Variants in KCNMA1 observed in about 807,000 individuals in gnomAD.
The protein encoded by KCNMA1 is potassium calcium-activated channel subfamily M alpha 1.
Under a neutral mutation model 140.0 loss-of-function variants are expected in KCNMA1, and 29 were observed. The ratio of observed to expected loss-of-function variants is 0.21; its 90% CI spans 0.15 to 0.28. The LOEUF (loss-of-function observed/expected upper bound fraction) is 0.28, where lower values mean the gene tolerates loss of function less well. Ranked by LOEUF, KCNMA1 falls within the 10% of genes least tolerant of loss-of-function variation. KCNMA1 has a pLI of 1.00. For missense variants in KCNMA1, 880 were observed against 1,602.2 expected (o/e 0.55, Z 7.70); for synonymous variants, 612 against 611.9 (o/e 1.00, Z 0.00).
chr10:77,384,999 T>C (rs1452104144), intron 2 of KCNMA1, among the ~76,000 whole-genome samples: 1 of 152,156 alleles, frequency 6.6e-6, no homozygotes, highest in Non-Finnish European at 1.5e-5. Flanking sequence ...TATTAAAGAT[T>C]CTCTGAGCCT....
chr10:77,627,612 G>A (rs1287311098), intron 1 of KCNMA1, among the ~76,000 whole-genome samples: 4 of 152,184 alleles, frequency 2.6e-5, no homozygotes, highest in Admixed American at 2.0e-4. Context: ...GTCATTCTAC[G>A]TCTCAACACT....
At chr10:77,123,358 T>C (rs1350623017) in intron 5 of KCNMA1, among the ~76,000 whole-genome samples, 1 of 152,190 alleles carries the variant, frequency 6.6e-6, no homozygotes, top group Non-Finnish European at 1.5e-5. Flanking sequence ...AAATACATTG[T>C]TTGCTCAGTG....
intron 1 of KCNMA1, among the ~76,000 whole-genome samples, chr10:77,438,422 G>T (rs975785298): frequency 1.3e-5 from 2 of 151,972 alleles, no homozygotes; most frequent in Non-Finnish European, 2.9e-5. Flanking sequence ...AATTAGCCGG[G>T]CGTGGTGGTG....
intron 27 of KCNMA1, 66 bp from the exon 28 acceptor site, chr10:76,887,581 A>G (rs2037691151): frequency 1.3e-6 from 2 of 1,584,752 alleles, no homozygotes; most frequent in Non-Finnish European, 8.7e-7. Context: ...ACTCTCTCTG[A>G]ACCAAAAGCA....
Position 77,053,539 on chromosome 10 carries a change from A to T in KCNMA1, c.1750-13902T>A, listed in dbSNP as rs77215286. Among the ~76,000 whole-genome samples, 1,043 of 152,266 alleles carry T rather than the reference A, an allele frequency of 6.8e-3. 8 individuals carry two copies. The highest frequency in any genetic ancestry group is 0.024 in the African/African-American group (996 of 41,556). On this transcript the variant is annotated intron_variant, in intron 14 of 27. Transcript: ENST00000286628. ...GCCCTAAAAAATGTATTCAGTCAGA[A>T]AATTCTGCTGACTCCGTATCTCACC...
At chr10:77,534,875 T>A (rs904382813) in intron 1 of KCNMA1, among the ~76,000 whole-genome samples, 1 of 152,154 alleles carries the variant, frequency 6.6e-6, no homozygotes, top group Non-Finnish European at 1.5e-5. Flanking sequence ...CATTTACAGC[T>A]ATAACCTACA....
chr10:77,123,162 A>G (rs2097658157), intron 5 of KCNMA1, among the ~76,000 whole-genome samples: 1 of 126,768 alleles, frequency 7.9e-6, no homozygotes, highest in African/African-American at 3.0e-5. Flanking sequence ...CCTGGGCGAC[A>G]GAGCGAGACT....
chr10:76,981,229 A>AC (rs1396564161), intron 19 of KCNMA1, among the ~76,000 whole-genome samples: 1 of 151,272 alleles, frequency 6.6e-6, no homozygotes, highest in Admixed American at 6.6e-5. Flanking sequence ...GAGCATTCCC[A>AC]CCCCCACCTG....
chr10:77,461,414 T>C (rs918653042), intron 1 of KCNMA1, among the ~76,000 whole-genome samples: 4 of 152,134 alleles, frequency 2.6e-5, no homozygotes, highest in Non-Finnish European at 5.9e-5. Flanking sequence ...TGTCTTCATT[T>C]TACAGGGAGG....
intron 6 of KCNMA1, among the ~76,000 whole-genome samples, chr10:77,119,444 AAAGT>A (rs1002991591): frequency 3.7e-4 from 56 of 152,268 alleles, no homozygotes; most frequent in African/African-American, 1.3e-3. Flanking sequence ...CCCTACCAAA[AAAGT>A]AAGTGTCTCT....
intron 2 of KCNMA1, among the ~76,000 whole-genome samples, chr10:77,403,319 G>T (rs1321753370): frequency 1.3e-5 from 2 of 152,152 alleles, no homozygotes; most frequent in Non-Finnish European, 2.9e-5. Flanking sequence ...GGCAGCCTCA[G>T]GTGGGCTACT....
chr10:77,388,882 C>T (rs575256414), intron 2 of KCNMA1, among the ~76,000 whole-genome samples: 5 of 152,276 alleles, frequency 3.3e-5, no homozygotes, highest in Admixed American at 6.5e-5. Context: ...AACTGAGCCC[C>T]CAACACACAA....
intron 2 of KCNMA1, among the ~76,000 whole-genome samples, chr10:77,347,737 A>G (rs2092377175): frequency 6.6e-6 from 1 of 152,218 alleles, no homozygotes; most frequent in Admixed American, 6.5e-5. Flanking sequence ...GCTCTATGAC[A>G]TGATAAGAAG....
Position 77,160,181 on chromosome 10 carries a change from A to C in KCNMA1, c.808+23240T>G, listed in dbSNP as rs115801830. Among the ~76,000 whole-genome samples, 1,436 of 152,256 alleles carry C rather than the reference A, an allele frequency of 9.4e-3. 21 individuals carry two copies. Among genetic ancestry groups the C allele is most frequent in the African/African-American group, 0.033 (1,386 of 41,534 alleles). ...TCCTGCCCCAGAGTAAATCCACTCCAGTTACTATAACCACGCACTGAGGAT... is the reference window on the plus strand; with the variant it reads ...TCCTGCCCCAGAGTAAATCCACTCCCGTTACTATAACCACGCACTGAGGAT... On this transcript the variant is annotated intron_variant, in intron 5 of 27. Transcript: ENST00000286628.
At position 77,637,650 on chromosome 10, in the gene KCNMA1, A is replaced by G. The variant is rs1173303583; in HGVS notation, c.-8T>C. On this transcript the variant is annotated 5_prime_UTR_variant, in exon 1 of 28. Coordinates refer to ENST00000286628, the MANE Select transcript of KCNMA1 (RefSeq NM_001161352.2). ...GCCGCCACCATTTGCCATAGCTAGC[A>G]ACGGGCAGCCGGCGCAGGGGCTCGG... 1.3e-6 allele frequency: 2 copies of G among 1,503,510 alleles called. No homozygotes were observed. The highest frequency in any genetic ancestry group is 1.8e-6 in the Non-Finnish European group (2 of 1,133,220). The allele number at this position is 1,503,510 out of a possible 1,614,324, so 93.1% of individuals were successfully genotyped here. A position where few individuals can be genotyped will look rare whatever the true frequency, so the allele number is the denominator to read the frequency against.
chr10:77,272,944 C>T (rs999661937), intron 2 of KCNMA1, among the ~76,000 whole-genome samples: 6 of 152,116 alleles, frequency 3.9e-5, no homozygotes, highest in Admixed American at 2.6e-4. Context: ...GCTGCTATTT[C>T]TTCTAGACCC....
At chr10:77,594,683 T>C (rs183101036) in intron 1 of KCNMA1, among the ~76,000 whole-genome samples, 2 of 152,292 alleles carry the variant, frequency 1.3e-5, no homozygotes, top group East Asian at 3.9e-4. Flanking sequence ...TAAGAGACCA[T>C]GGTTCACCAA....
intron 5 of KCNMA1, among the ~76,000 whole-genome samples, chr10:77,155,202 T>A (rs368413409): frequency 1.3e-5 from 2 of 152,280 alleles, no homozygotes; most frequent in South Asian, 2.1e-4. Context: ...GGGTTGACAT[T>A]TTAAAAGATC....
intron 18 of KCNMA1, among the ~76,000 whole-genome samples, chr10:77,003,435 T>A (rs568317816): frequency 6.6e-6 from 1 of 152,172 alleles, no homozygotes; most frequent in Non-Finnish European, 1.5e-5. Flanking sequence ...GGGAAAAAAG[T>A]CTTCAATTAA....
Sources: allele counts gnomAD v4.1 joint callset (sites outside exome capture counted in the v4.1 genomes callset), GRCh38; gene constraint gnomAD v4.1.1; transcripts MANE v1.5; gene names NCBI Gene and HGNC (gene_info 2026-07-23, HGNC 2026-07-21).